The following CSMD3 variants were observed in gnomAD, a reference collection of about 807,000 sequenced individuals.
CSMD3 encodes the protein CUB and sushi domain-containing protein 3.
CSMD3 carries 177 observed loss-of-function variants against 435.2 expected under a neutral mutation model. The observed-to-expected ratio is 0.41, with a 90% CI of 0.36 to 0.46. The LOEUF (loss-of-function observed/expected upper bound fraction) is 0.46. Among genes scored for constraint, CSMD3 ranks in the 20% least tolerant of loss-of-function variants. The probability of loss-of-function intolerance (pLI) is 0.34; values close to 1 mark genes in which losing one functional copy is unlikely to be tolerated. For synonymous variants in CSMD3, 1,656 were observed against 1,520.5 expected (o/e 1.09, Z -2.07); for missense variants, 4,265 against 4,504.6 (o/e 0.95, Z 1.52).
intron 38 of CSMD3, among the ~76,000 whole-genome samples, chr8:112,359,658 A>T (rs1826991244): frequency 6.6e-6 from 1 of 152,118 alleles, no homozygotes; most frequent in South Asian, 2.1e-4. Context: ...AAAAGCAGTG[A>T]CTTGATAGAG....
rs1314331864 is a variant in CSMD3, at chr8:113,399,100, T to C, written c.178+37577A>G. 8.5e-3 allele frequency among the ~76,000 whole-genome samples: 790 copies of C among 92,678 alleles called. 10 individuals carry two copies. The highest frequency in any genetic ancestry group is 0.034 in the African/African-American group (764 of 22,388). The allele number at this position is 92,678 out of a possible 152,430, so 60.8% of individuals were successfully genotyped here. On this transcript the variant is annotated intron_variant, in intron 1 of 70. Transcript: ENST00000297405. Reference sequence around the variant, plus strand: ...GTTCATATATATATATATATATATATATATATACACACACACACACACACT... The same window carrying C: ...GTTCATATATATATATATATATATACATATATACACACACACACACACACT...
chr8:112,261,767 C>G (rs1471083790), intron 61 of CSMD3, among the ~76,000 whole-genome samples: 1 of 151,990 alleles, frequency 6.6e-6, no homozygotes, highest in Non-Finnish European at 1.5e-5. Flanking sequence ...AATTTACCCA[C>G]CCATCATGAG....
intron 1 of CSMD3, among the ~76,000 whole-genome samples, chr8:113,411,703 A>G (rs1408839583): frequency 6.6e-6 from 1 of 152,140 alleles, no homozygotes; most frequent in Non-Finnish European, 1.5e-5. Flanking sequence ...GAAATGCAAA[A>G]CCCATATATC....
At chr8:112,545,309 C>T (rs1258152479) in intron 27 of CSMD3, among the ~76,000 whole-genome samples, 3 of 151,516 alleles carry the variant, frequency 2.0e-5, no homozygotes. Context: ...TGGTGAAACC[C>T]CGTCTCTACT....
At chr8:113,054,692 G>A (rs1297179744) in intron 5 of CSMD3, among the ~76,000 whole-genome samples, 2 of 152,054 alleles carry the variant, frequency 1.3e-5, no homozygotes, top group Admixed American at 1.3e-4. Flanking sequence ...TTTTCCTCCA[G>A]CAACTGCCCA....
intron 27 of CSMD3, among the ~76,000 whole-genome samples, chr8:112,530,431 TATAAGGGAAGCTCCATA>T (rs1361361375): frequency 1.3e-5 from 2 of 152,068 alleles, no homozygotes; most frequent in African/African-American, 4.8e-5. Flanking sequence ...ACTTGTCACA[TATAAGGGAAGCTCCATA>T]AGAGTAGCTA....
At chr8:112,520,361 G>C (rs1001604681) in intron 27 of CSMD3, among the ~76,000 whole-genome samples, 10 of 151,942 alleles carry the variant, frequency 6.6e-5, no homozygotes, top group African/African-American at 2.4e-4. Flanking sequence ...TAAGATCTCA[G>C]AGATCTTAAA....
chr8:112,571,873 T>TAA (rs546114366), intron 24 of CSMD3, among the ~76,000 whole-genome samples: 2 of 92,828 alleles, frequency 2.2e-5, no homozygotes, highest in East Asian at 2.5e-4. Context: ...CTGTCTCAAA[T>TAA]AAAAAAAAAA....
intron 2 of CSMD3, among the ~76,000 whole-genome samples, chr8:113,297,384 T>C (rs1209256823): frequency 6.6e-6 from 1 of 152,068 alleles, no homozygotes; most frequent in Non-Finnish European, 1.5e-5. Context: ...CTTTGGAATT[T>C]CATGTTAGAA....
intron 2 of CSMD3, among the ~76,000 whole-genome samples, chr8:113,287,370 G>A (rs895016573): frequency 6.6e-6 from 1 of 152,020 alleles, no homozygotes; most frequent in Admixed American, 6.6e-5. Context: ...GGAACAAGCT[G>A]ATATTTAAAG....
At chr8:113,352,734 A>C (rs1318141326) in intron 1 of CSMD3, among the ~76,000 whole-genome samples, 2 of 152,188 alleles carry the variant, frequency 1.3e-5, no homozygotes, top group Admixed American at 1.3e-4. Context: ...TTTGCAAGAG[A>C]GAAAGGAAAC....
chr8:112,750,657 A>T (rs1242352731), intron 13 of CSMD3, among the ~76,000 whole-genome samples: 1 of 152,132 alleles, frequency 6.6e-6, no homozygotes, highest in Non-Finnish European at 1.5e-5. Context: ...TAAAAAGGCC[A>T]GTTTGGCTGG....
chr8:113,109,231 C>A lies in CSMD3; in HGVS notation c.710-10268G>T, dbSNP rs1483534997. 3.3e-5 allele frequency among the ~76,000 whole-genome samples: 5 copies of A among 152,202 alleles called. No individual in the cohort carries two copies. In the South Asian group the frequency reaches 6.2e-4, roughly 19 times the overall value. ...AATTCTGGCCCTGAAAAATTAATGT[C>A]TTTCTCTCATTCAAAATACATTCAT... On this transcript the variant is annotated intron_variant, in intron 4 of 70. Coordinates refer to ENST00000297405, the MANE Select transcript of CSMD3 (RefSeq NM_198123.2).
chr8:113,265,485 T>C (rs924438344), intron 3 of CSMD3, among the ~76,000 whole-genome samples: 2 of 151,548 alleles, frequency 1.3e-5, no homozygotes, highest in East Asian at 3.9e-4. Context: ...TAAGCTAAAA[T>C]GGGGGTGATA....
intron 20 of CSMD3, among the ~76,000 whole-genome samples, chr8:112,640,112 T>C (rs1340051746): frequency 6.6e-6 from 1 of 152,112 alleles, no homozygotes; most frequent in African/African-American, 2.4e-5. Flanking sequence ...CCAGTGAGTA[T>C]ATAGTGGACT....
intron 32 of CSMD3, among the ~76,000 whole-genome samples, chr8:112,415,405 C>T (rs1012864012): frequency 6.6e-6 from 1 of 152,316 alleles, no homozygotes; most frequent in South Asian, 2.1e-4. Context: ...GAACCTCTAC[C>T]TAGATTTCAG....
intron 4 of CSMD3, among the ~76,000 whole-genome samples, chr8:113,158,927 T>G (rs2091985878): frequency 6.6e-6 from 1 of 151,964 alleles, no homozygotes; most frequent in South Asian, 2.1e-4. Flanking sequence ...GTGCCAAATA[T>G]TTTTTGAAAC....
intron 4 of CSMD3, among the ~76,000 whole-genome samples, chr8:113,103,931 T>C (rs543354334): frequency 1.3e-5 from 2 of 152,232 alleles, no homozygotes; most frequent in South Asian, 4.1e-4. Flanking sequence ...TATTTAGATA[T>C]TGTAAATGTA....
intron 3 of CSMD3, among the ~76,000 whole-genome samples, chr8:113,255,586 C>T (rs1193869212): frequency 6.6e-6 from 1 of 151,934 alleles, no homozygotes; most frequent in Non-Finnish European, 1.5e-5. Flanking sequence ...AACAATTATC[C>T]TCACTGTGTA....
Sources: gnomAD v4.1 joint callset for allele counts (sites outside exome capture counted in the v4.1 genomes callset) on GRCh38, gnomAD v4.1.1 for gene constraint, MANE v1.5 for transcripts, NCBI Gene and HGNC (gene_info 2026-07-23, HGNC 2026-07-21) for gene names.